The following DCUN1D4 variants were observed in gnomAD, a reference collection of about 807,000 sequenced individuals.
DCUN1D4 encodes the protein defective in cullin neddylation 1 domain containing 4, also known as DCN1-like protein 4.
A neutral mutation model predicts 47.9 loss-of-function variants in DCUN1D4; 22 were observed. The observed-to-expected ratio is 0.46, with a 90% confidence interval of 0.33 to 0.66. DCUN1D4 has a LOEUF of 0.66. Ranked by LOEUF, DCUN1D4 falls within the 30% of genes least tolerant of loss-of-function variation. The pLI is 0.02. For synonymous variants in DCUN1D4, 121 were observed against 112.2 expected (o/e 1.08, Z -0.50); for missense variants, 301 against 340.8 (o/e 0.88, Z 0.92).
chr4:51,904,225 A>T (rs1345871812), intron 8 of DCUN1D4, among the ~76,000 whole-genome samples: 3 of 152,090 alleles, frequency 2.0e-5, no homozygotes, highest in African/African-American at 7.2e-5. Flanking sequence ...CCCCACTACT[A>T]AGGCAATATT....
intron 3 of DCUN1D4, among the ~76,000 whole-genome samples, chr4:51,867,531 G>T (rs1039337838): frequency 6.6e-6 from 1 of 152,118 alleles, no homozygotes. Flanking sequence ...ACCCAAAGTG[G>T]GTAGCTCTTT....
chr4:51,902,368 A>G (rs1034477989), intron 8 of DCUN1D4, among the ~76,000 whole-genome samples: 5 of 150,722 alleles, frequency 3.3e-5, no homozygotes, highest in Non-Finnish European at 7.4e-5. Flanking sequence ...GGAATGTTGA[A>G]CTCTCCACCT....
intron 8 of DCUN1D4, among the ~76,000 whole-genome samples, chr4:51,906,124 G>A (rs1578047767): frequency 6.6e-6 from 1 of 152,148 alleles, no homozygotes; most frequent in Non-Finnish European, 1.5e-5. Flanking sequence ...GAACACTCAA[G>A]TGGGAATGGC....
intron 3 of DCUN1D4, among the ~76,000 whole-genome samples, chr4:51,870,077 C>T (rs948512570): frequency 1.3e-5 from 2 of 152,182 alleles, no homozygotes; most frequent in African/African-American, 4.8e-5. Context: ...TAATATCTTG[C>T]TTCTACCTCT....
At chr4:51,840,354 T>TTGTATTA, upstream of DCUN1D4, among the ~76,000 whole-genome samples, 1 of 152,188 alleles carries the variant, frequency 6.6e-6, no homozygotes. Flanking sequence ...TGAAGCAGAC[T>TTGTATTA]TGTATTAGAT....
chr4:51,842,124 G>A (rs1486573948), upstream of DCUN1D4, among the ~76,000 whole-genome samples: 2 of 152,168 alleles, frequency 1.3e-5, no homozygotes, highest in African/African-American at 2.4e-5. Context: ...TTGACTTAGG[G>A]TCAGAAGAAT....
chr4:51,892,453 A>T (rs1448157920), intron 7 of DCUN1D4, among the ~76,000 whole-genome samples: 1 of 152,236 alleles, frequency 6.6e-6, no homozygotes, highest in Non-Finnish European at 1.5e-5. Context: ...ACTTACTGGC[A>T]TCTGGTTTAT....
intron 3 of DCUN1D4, among the ~76,000 whole-genome samples, chr4:51,872,945 A>G (rs1356921020): frequency 6.6e-6 from 1 of 152,202 alleles, no homozygotes; most frequent in Non-Finnish European, 1.5e-5. Flanking sequence ...CGAACACAAC[A>G]CTTGGCACCT....
At chr4:51,902,329 T>G (rs749824889) in intron 8 of DCUN1D4, among the ~76,000 whole-genome samples, 1 of 152,200 alleles carries the variant, frequency 6.6e-6, no homozygotes, top group Non-Finnish European at 1.5e-5. Flanking sequence ...TCTTCCTGAT[T>G]TCTACTTGTT....
chr4:51,892,889 G>C (rs1055086165), intron 7 of DCUN1D4, among the ~76,000 whole-genome samples: 1 of 152,148 alleles, frequency 6.6e-6, no homozygotes, highest in African/African-American at 2.4e-5. Flanking sequence ...GATTTTTACT[G>C]GATTAAAATT....
chr4:51,872,080 A>T (rs1383773115), intron 3 of DCUN1D4, among the ~76,000 whole-genome samples: 1 of 152,102 alleles, frequency 6.6e-6, no homozygotes, highest in Non-Finnish European at 1.5e-5. Context: ...TTAGACCTGA[A>T]CTGGTTTTGT....
chr4:51,858,974 A>G (rs1724578435), intron 1 of DCUN1D4, among the ~76,000 whole-genome samples: 1 of 152,166 alleles, frequency 6.6e-6, no homozygotes, highest in African/African-American at 2.4e-5. Flanking sequence ...TTGATATCTG[A>G]TAGGGCAAGT....
the DCUN1D4 span, among the ~76,000 whole-genome samples, chr4:51,834,849 G>T: frequency 6.6e-6 from 1 of 152,166 alleles, no homozygotes; most frequent in Admixed American, 6.5e-5. Flanking sequence ...CTTTAAAGTC[G>T]CATTGCTTGT....
At chr4:51,844,976 C>T (rs1722293468) in intron 1 of DCUN1D4, 1 of 985,328 alleles carries the variant, frequency 1.0e-6, no homozygotes, top group African/African-American at 1.7e-5. Flanking sequence ...AGCCCTTCTC[C>T]CTTGGGAGAG....
intron 1 of DCUN1D4, among the ~76,000 whole-genome samples, chr4:51,853,138 A>G (rs1026747849): frequency 6.6e-6 from 1 of 152,184 alleles, no homozygotes; most frequent in African/African-American, 2.4e-5. Context: ...ACCAGCAGGC[A>G]CAGGCAGTGT....
chr4:51,912,069 C>T (rs1578067354), intron 9 of DCUN1D4, among the ~76,000 whole-genome samples: 1 of 152,144 alleles, frequency 6.6e-6, no homozygotes, highest in Admixed American at 6.6e-5. Context: ...TTTCTTTTAA[C>T]ATTACTAAGT....
Position 51,913,303 on chromosome 4 carries a change from A to G in DCUN1D4, c.734A>G (p.Lys245Arg). 3.1e-6 allele frequency: 5 copies of G among 1,606,526 alleles called. No individual in the cohort carries two copies. In the South Asian group the frequency reaches 3.3e-5, roughly 11 times the overall value. Residue 245 changes from lysine to arginine, a missense_variant, in exon 10 of 11, where the codon AAA (lysine) becomes AGA (arginine). Physicochemically the swap from Lys to Arg is conservative, Grantham distance 26. Around this residue, in one of 2 missense-constraint regions of DCUN1D4, gnomAD observed 170 missense variants for 234.5 expected, o/e 0.73. Transcript: ENST00000334635. ...TCCCTCCATCAGCAATCAAAATACA[A>G]AGTTATTAATAAAGACCAGTGGTGC... is the stretch of plus-strand genomic sequence containing the variant. ...FHQFLEQSKY[K>R]VINKDQWCNV...
At position 51,863,677 on chromosome 4, in the gene DCUN1D4, C is replaced by T. The variant is rs1323360169; in HGVS notation, c.104C>T (p.Thr35Ile). The T allele has an allele frequency of 3.1e-6, 5 of 1,613,500 alleles. No individual in the cohort carries two copies. Among genetic ancestry groups the T allele is most frequent in the Admixed American group, 3.3e-5 (2 of 59,906 alleles). ...CGAACATATTTCTTTCAGAACCTAA[C>T]AGAAGACATTGGCCAAGACGATCAC... is the stretch of plus-strand genomic sequence containing the variant. ...IYHTLNKLNL[T>I]EDIGQDDHQT... Residue 35 changes from threonine (T) to isoleucine (I), a missense_variant, in exon 3 of 11, where the codon ACA becomes ATA. Around this residue, in one of 2 missense-constraint regions of DCUN1D4, gnomAD observed 131 missense variants for 106.3 expected, o/e 1.23. Coordinates refer to ENST00000334635, the MANE Select transcript of DCUN1D4 (RefSeq NM_001040402.3).
At chr4:51,843,742 G>A in intron 1 of DCUN1D4, 1 of 1,208,808 alleles carries the variant, frequency 8.3e-7, no homozygotes, top group Non-Finnish European at 1.0e-6. Context: ...GAGAAAGGCG[G>A]GTGAGTGCGA....
Sources: allele counts gnomAD v4.1 joint callset (sites outside exome capture counted in the v4.1 genomes callset), GRCh38; gene constraint gnomAD v4.1.1; regional missense constraint gnomAD v4.1.1; transcripts MANE v1.5; gene names NCBI Gene and HGNC (gene_info 2026-07-23, HGNC 2026-07-21).